The following SLC24A3 variants were observed in gnomAD, a reference collection of about 807,000 sequenced individuals.
SLC24A3 encodes solute carrier family 24 member 3.
A neutral mutation model predicts 75.8 loss-of-function variants in SLC24A3; 28 were observed. That is an observed-to-expected ratio of 0.37 (90% CI 0.27 to 0.51). The LOEUF is 0.51. Ranked by LOEUF, SLC24A3 falls within the 20% of genes least tolerant of loss-of-function variation. The pLI is 0.94. For missense variants in SLC24A3, 663 were observed against 847.8 expected, an observed-to-expected ratio of 0.78 and a Z score of 2.71; for synonymous variants, 372 against 334.1, an observed-to-expected ratio of 1.11 and a Z score of -1.24.
intron 2 of SLC24A3, among the ~76,000 whole-genome samples, chr20:19,385,143 T>A (rs1022035731): frequency 1.3e-5 from 2 of 152,232 alleles, no homozygotes; most frequent in African/African-American, 4.8e-5. Flanking sequence ...GTTTTAGTTA[T>A]GATGCAATCC....
chr20:19,270,055 T>A (rs1207523644), intron 1 of SLC24A3, among the ~76,000 whole-genome samples: 1 of 152,212 alleles, frequency 6.6e-6, no homozygotes, highest in Non-Finnish European at 1.5e-5. Flanking sequence ...TCCAGCCTGA[T>A]TGGGAGTCCC....
intron 3 of SLC24A3, among the ~76,000 whole-genome samples, chr20:19,533,851 T>C (rs1376264755): frequency 6.6e-6 from 1 of 152,214 alleles, no homozygotes; most frequent in Non-Finnish European, 1.5e-5. Context: ...TGAAGACAGG[T>C]AGACCAGCTG....
intron 6 of SLC24A3, among the ~76,000 whole-genome samples, chr20:19,647,163 A>G (rs1398916379): frequency 2.6e-5 from 4 of 151,982 alleles, no homozygotes; most frequent in Non-Finnish European, 5.9e-5. Context: ...TCTCAGAGGC[A>G]TGTTCCATCC....
intron 6 of SLC24A3, among the ~76,000 whole-genome samples, chr20:19,586,848 C>T (rs528835884): frequency 4.6e-5 from 7 of 152,260 alleles, no homozygotes; most frequent in African/African-American, 1.7e-4. Context: ...CTGCTCAGCT[C>T]CTTAGACTGA....
intron 6 of SLC24A3, among the ~76,000 whole-genome samples, chr20:19,648,430 T>C (rs553683001): frequency 2.0e-5 from 3 of 152,256 alleles, no homozygotes; most frequent in Admixed American, 6.5e-5. Flanking sequence ...GTAACTATTA[T>C]GTTGTTTTGT....
At chr20:19,311,092 T>G (rs1360399964) in intron 2 of SLC24A3, among the ~76,000 whole-genome samples, 1 of 152,030 alleles carries the variant, frequency 6.6e-6, no homozygotes, top group African/African-American at 2.4e-5. Flanking sequence ...TTGCCTTCCC[T>G]TCATTTTTTC....
Position 19,481,753 on chromosome 20 carries a change from G to A in SLC24A3, c.272-33735G>A, listed in dbSNP as rs796104679. Among the ~76,000 whole-genome samples the A allele has an allele frequency of 2.0e-5, 3 of 152,226 alleles. No homozygotes were observed. The South Asian group carries it at 6.2e-4, about 32-fold the overall frequency. On this transcript the variant is annotated intron_variant, in intron 2 of 16. Transcript: ENST00000328041. ...TCATTCCACCTACAGAGAGCCCGGG[G>A]AGTGCTCCCCGAGTGATCTTCCTAC... is the stretch of plus-strand genomic sequence containing the variant.
intron 3 of SLC24A3, among the ~76,000 whole-genome samples, chr20:19,516,415 G>A (rs1231888331): frequency 6.6e-6 from 1 of 152,218 alleles, no homozygotes; most frequent in African/African-American, 2.4e-5. Flanking sequence ...TCGCTGTGAA[G>A]CGAGCTCCCC....
At chr20:19,458,883 A>G (rs1178390777) in intron 2 of SLC24A3, among the ~76,000 whole-genome samples, 3 of 152,206 alleles carry the variant, frequency 2.0e-5, no homozygotes, top group African/African-American at 7.2e-5. Context: ...CTGTGTGAGC[A>G]TTCTCAAGTC....
At chr20:19,551,296 G>A (rs1322651319) in intron 3 of SLC24A3, among the ~76,000 whole-genome samples, 1 of 152,202 alleles carries the variant, frequency 6.6e-6, no homozygotes, top group African/African-American at 2.4e-5. Flanking sequence ...TGAAGTTGAG[G>A]AAGGTACAGT....
intron 3 of SLC24A3, among the ~76,000 whole-genome samples, chr20:19,548,720 G>A (rs1332748142): frequency 1.3e-5 from 2 of 152,186 alleles, no homozygotes; most frequent in African/African-American, 4.8e-5. Context: ...GACCCACCAA[G>A]AATAATCTTC....
chr20:19,365,200 G>C (rs530113599), intron 2 of SLC24A3, among the ~76,000 whole-genome samples: 1 of 152,300 alleles, frequency 6.6e-6, no homozygotes, highest in East Asian at 1.9e-4. Context: ...TGGGGTGATA[G>C]GAATCCTTAA....
At chr20:19,522,833 G>A (rs1362029589) in intron 3 of SLC24A3, among the ~76,000 whole-genome samples, 1 of 151,784 alleles carries the variant, frequency 6.6e-6, no homozygotes, top group African/African-American at 2.4e-5. Context: ...ATATTTATGG[G>A]GTATAATGTG....
chr20:19,573,872 A>G (rs1459419896), intron 3 of SLC24A3, among the ~76,000 whole-genome samples: 2 of 152,194 alleles, frequency 1.3e-5, no homozygotes, highest in African/African-American at 2.4e-5. Context: ...TTTGCAAAAT[A>G]AAAGGTTTAA....
intron 2 of SLC24A3, among the ~76,000 whole-genome samples, chr20:19,286,903 T>C (rs1446605727): frequency 6.6e-6 from 1 of 152,254 alleles, no homozygotes; most frequent in Non-Finnish European, 1.5e-5. Flanking sequence ...AGACTTAAGA[T>C]TCATCTGTAC....
intron 3 of SLC24A3, among the ~76,000 whole-genome samples, chr20:19,579,112 C>T (rs1434352281): frequency 1.3e-5 from 2 of 152,196 alleles, no homozygotes; most frequent in Non-Finnish European, 2.9e-5. Flanking sequence ...CAATCAGCAT[C>T]CACTCCTGGA....
intron 2 of SLC24A3, among the ~76,000 whole-genome samples, chr20:19,369,532 T>C (rs932041508): frequency 6.6e-6 from 1 of 152,214 alleles, no homozygotes; most frequent in Non-Finnish European, 1.5e-5. Context: ...ACATTAATGA[T>C]AATGAATAAT....
chr20:19,486,932 T>C (rs1345718200), intron 2 of SLC24A3, among the ~76,000 whole-genome samples: 1 of 152,202 alleles, frequency 6.6e-6, no homozygotes, highest in African/African-American at 2.4e-5. Flanking sequence ...AAGTTCTGTC[T>C]TTGCCATGGA....
At chr20:19,704,770 G>A (rs1178204702) in intron 15 of SLC24A3, among the ~76,000 whole-genome samples, 2 of 152,150 alleles carry the variant, frequency 1.3e-5, no homozygotes, top group Middle Eastern at 3.2e-3. Flanking sequence ...AGGCGTCGAG[G>A]CAGGATGTGT....
Sources: allele counts gnomAD v4.1 joint callset (sites outside exome capture counted in the v4.1 genomes callset), GRCh38; gene constraint gnomAD v4.1.1; transcripts MANE v1.5; gene names NCBI Gene and HGNC (gene_info 2026-07-23, HGNC 2026-07-21).